The following SHOC1 variants were observed in gnomAD, a reference collection of about 807,000 sequenced individuals.
SHOC1 encodes protein shortage in chiasmata 1 ortholog.
SHOC1 carries 136 observed loss-of-function variants against 179.2 expected under a neutral mutation model. The ratio of observed to expected loss-of-function variants is 0.76; its 90% confidence interval spans 0.66 to 0.87. The LOEUF (loss-of-function observed/expected upper bound fraction) is 0.87, where lower values mean the gene tolerates loss of function less well. Ranked by LOEUF, SHOC1 falls within the 40% of genes least tolerant of loss-of-function variation. SHOC1 has a pLI of 0.00. For synonymous variants in SHOC1, 489 were observed against 586.6 expected, an observed-to-expected ratio of 0.83 and a Z score of 2.41; for missense variants, 1,538 against 1,700.8, an observed-to-expected ratio of 0.90 and a Z score of 1.68.
At chr9:111,726,798 A>G (rs1329225917) in intron 13 of SHOC1, among the ~76,000 whole-genome samples, 6 of 152,180 alleles carry the variant, frequency 3.9e-5, no homozygotes, top group African/African-American at 1.4e-4. Flanking sequence ...AAAAATGACA[A>G]TAGATGTAAA....
At chr9:111,747,634 G>A (rs973806315) in intron 9 of SHOC1, among the ~76,000 whole-genome samples, 8 of 152,110 alleles carry the variant, frequency 5.3e-5, no homozygotes, top group African/African-American at 1.7e-4. Context: ...AGGCTGGAGT[G>A]CAGTGGTGTA....
At position 111,722,503 on chromosome 9, in the gene SHOC1, A is replaced by C. The variant is rs12352352; in HGVS notation, c.2037T>G (p.Pro679=). The C allele has an allele frequency of 3.7e-6, 6 of 1,612,622 alleles. No individual in the cohort carries two copies. The Admixed American group carries it at 1.0e-4, about 27-fold the overall frequency. The change falls in exon 15 of 28, where the codon CCT becomes CCG. Residue 679 remains proline, a synonymous_variant. Coordinates refer to ENST00000682961, the MANE Select transcript of SHOC1 (RefSeq NM_001378211.1). ...LKNLVSLCTL[P]TANWKFATVI... is the part of the protein sequence containing the mutation. Reference sequence around the variant, plus strand: ...CAGTGGCAAATTTCCAATTAGCAGTAGGGAGGGTACACAAGGATACAAGGT... The same window carrying C: ...CAGTGGCAAATTTCCAATTAGCAGTCGGGAGGGTACACAAGGATACAAGGT...
intron 5 of SHOC1, among the ~76,000 whole-genome samples, chr9:111,765,166 C>T (rs1221470383): frequency 2.0e-5 from 3 of 150,614 alleles, no homozygotes; most frequent in Non-Finnish European, 4.4e-5. Flanking sequence ...TGTTATACAA[C>T]CATTTTAATT....
At chr9:111,778,085 G>C (rs929095690) in intron 4 of SHOC1, among the ~76,000 whole-genome samples, 1 of 152,122 alleles carries the variant, frequency 6.6e-6, no homozygotes, top group African/African-American at 2.4e-5. Context: ...AGACTACCTA[G>C]TCAATTTTCT....
intron 3 of SHOC1, among the ~76,000 whole-genome samples, chr9:111,784,101 A>G (rs1367101828): frequency 6.6e-6 from 1 of 152,172 alleles, no homozygotes; most frequent in East Asian, 1.9e-4. Flanking sequence ...AGTTATTCTT[A>G]AGAACTTCAA....
intron 5 of SHOC1, among the ~76,000 whole-genome samples, chr9:111,771,521 T>A (rs1177816706): frequency 6.6e-6 from 1 of 152,118 alleles, no homozygotes; most frequent in African/African-American, 2.4e-5. Context: ...AAAGGAAAGT[T>A]TTCTTTTTGT....
At chr9:111,726,453 C>T (rs937745757) in intron 13 of SHOC1, among the ~76,000 whole-genome samples, 6 of 152,098 alleles carry the variant, frequency 3.9e-5, no homozygotes, top group Non-Finnish European at 8.8e-5. Flanking sequence ...TTTAGAGATG[C>T]GGTCTCATTA....
Position 111,758,809 on chromosome 9 carries a change from C to A in SHOC1, c.482G>T (p.Ser161Ile). Residue 161 changes from serine (S) to isoleucine (I), a missense_variant, in exon 6 of 28, where the codon AGT becomes ATT. Ser to Ile is a moderately radical substitution (Grantham distance 142). Transcript: ENST00000682961. ...IDDKGILFVS[S>I]RKHLPTLPTL... is the part of the protein sequence containing the mutation. ...AGGCAAAGTTGGTAGGTGTTTTCTA[C>A]TACTTACAAAAAGTATTCCTTTATC... The A allele has an allele frequency of 6.4e-7, 1 of 1,569,818 alleles. No individual in the cohort carries two copies. Among genetic ancestry groups the A allele is most frequent in the Non-Finnish European group, 8.7e-7 (1 of 1,151,396 alleles).
chr9:111,743,140 T>C lies in SHOC1; in HGVS notation c.1080-1570A>G, dbSNP rs563844365. On this transcript the variant is annotated intron_variant, in intron 10 of 27. Coordinates refer to ENST00000682961, the MANE Select transcript of SHOC1 (RefSeq NM_001378211.1). ...TGGGTATTATTTTCAGCCAAAATGTTGTGCTCTGAAATAAAAATAATTGGG... is the reference window on the plus strand; with the variant it reads ...TGGGTATTATTTTCAGCCAAAATGTCGTGCTCTGAAATAAAAATAATTGGG... Among the ~76,000 whole-genome samples the C allele has an allele frequency of 3.3e-5, 5 of 152,328 alleles. No homozygotes were observed. The South Asian group carries it at 1.0e-3, about 32-fold the overall frequency.
chr9:111,762,788 T>C (rs1835192515), intron 5 of SHOC1, among the ~76,000 whole-genome samples: 1 of 152,156 alleles, frequency 6.6e-6, no homozygotes, highest in African/African-American at 2.4e-5. Context: ...AGAAGCATTT[T>C]CTTTACCATC....
intron 5 of SHOC1, among the ~76,000 whole-genome samples, chr9:111,769,508 C>T (rs1276965175): frequency 6.6e-6 from 1 of 152,106 alleles, no homozygotes; most frequent in Admixed American, 6.6e-5. Context: ...TAGGGTCTCA[C>T]TCTGTCACCC....
intron 3 of SHOC1, chr9:111,783,410 C>T (rs1836150591): frequency 6.6e-6 from 1 of 152,234 alleles, no homozygotes; most frequent in Admixed American, 6.5e-5. Context: ...TAATGGTCAA[C>T]TCACTATCCT....
At chr9:111,755,483 T>A (rs1834813373) in intron 8 of SHOC1, among the ~76,000 whole-genome samples, 1 of 152,184 alleles carries the variant, frequency 6.6e-6, no homozygotes, top group Admixed American at 6.6e-5. Flanking sequence ...TCTTTGATCA[T>A]TTTAAATGAA....
intron 7 of SHOC1, 30 bp downstream of exon 7, chr9:111,758,054 T>G: frequency 8.4e-7 from 1 of 1,194,286 alleles, no homozygotes; most frequent in Non-Finnish European, 1.2e-6. Flanking sequence ...CTACTTTTAC[T>G]AAAATATTAT....
intron 7 of SHOC1, 135 bp downstream of exon 7, chr9:111,757,949 T>G: frequency 1.9e-6 from 1 of 525,116 alleles, no homozygotes; most frequent in Non-Finnish European, 3.4e-6. Context: ...AAATTTGACT[T>G]CTTAATTGAT....
At chr9:111,750,925 A>G (rs186176978) in intron 8 of SHOC1, among the ~76,000 whole-genome samples, 3 of 152,100 alleles carry the variant, frequency 2.0e-5, no homozygotes, top group Non-Finnish European at 4.4e-5. Flanking sequence ...TCCCATGCCT[A>G]TGTCCTGAAT....
chr9:111,700,111 C>A, intron 23 of SHOC1, 64 bp from the exon 24 acceptor site: 1 of 917,746 alleles, frequency 1.1e-6, no homozygotes, highest in South Asian at 1.9e-5. Context: ...ATTAAAAATT[C>A]ATTTTGTTTT....
intron 3 of SHOC1, among the ~76,000 whole-genome samples, chr9:111,785,364 T>C (rs2131642763): frequency 6.6e-6 from 1 of 151,986 alleles, no homozygotes; most frequent in South Asian, 2.1e-4. Flanking sequence ...GTATCCTCCT[T>C]ACCAGTCTAA....
intron 7 of SHOC1, among the ~76,000 whole-genome samples, chr9:111,757,559 G>A (rs62572567): frequency 0.076 from 11,551 of 152,216 alleles, 633 homozygotes; most frequent in South Asian, 0.21. Context: ...GAAACTAAAT[G>A]CATCTTTGAG....
Sources: gnomAD v4.1 joint callset for allele counts (sites outside exome capture counted in the v4.1 genomes callset) on GRCh38, gnomAD v4.1.1 for gene constraint, MANE v1.5 for transcripts, NCBI Gene and HGNC (gene_info 2026-07-23, HGNC 2026-07-21) for gene names.